CSNK2A2IP: variants seen among roughly 807,000 people sequenced by gnomAD.
CSNK2A2IP encodes casein kinase 2 subunit alpha' interacting protein.
the CSNK2A2IP span, among the ~76,000 whole-genome samples, chr3:88,427,660 G>T: frequency 6.6e-6 from 1 of 152,136 alleles, no homozygotes; most frequent in Non-Finnish European, 1.5e-5. Flanking sequence ...TTGCTTCAGT[G>T]GGTTCAAGCC....
chr3:88,431,350 C>A, the CSNK2A2IP span: 1 of 152,222 alleles, frequency 6.6e-6, no homozygotes, highest in South Asian at 2.1e-4. Context: ...TGAGGTAACT[C>A]AGGAATGGAA....
chr3:88,411,573 G>A, the CSNK2A2IP span, among the ~76,000 whole-genome samples: 5 of 151,822 alleles, frequency 3.3e-5, no homozygotes, highest in South Asian at 4.2e-4. Flanking sequence ...AAACAGATAC[G>A]GATTTTGTAG....
the CSNK2A2IP span, among the ~76,000 whole-genome samples, chr3:88,449,854 C>CACACAT: frequency 5.9e-5 from 5 of 84,440 alleles, no homozygotes; most frequent in Admixed American, 2.3e-4. Context: ...CACACACACA[C>CACACAT]ATATATATAT....
At chr3:88,438,722 G>A in the CSNK2A2IP span, among the ~76,000 whole-genome samples, 3 of 152,138 alleles carry the variant, frequency 2.0e-5, no homozygotes, top group African/African-American at 7.2e-5. Flanking sequence ...CCAAATCTAA[G>A]TGTAAAACTA....
At chr3:88,451,928 A>C in the CSNK2A2IP span, among the ~76,000 whole-genome samples, 1 of 152,010 alleles carries the variant, frequency 6.6e-6, no homozygotes, top group Non-Finnish European at 1.5e-5. Flanking sequence ...GCTTTACAAT[A>C]ATTTTTTGAA....
chr3:88,466,213 T>C, the CSNK2A2IP span: 2 of 1,231,642 alleles, frequency 1.6e-6, no homozygotes, highest in Non-Finnish European at 2.0e-6. Flanking sequence ...TATATTGAAC[T>C]CTAACCCCAC....
At chr3:88,461,339 G>A in the CSNK2A2IP span, among the ~76,000 whole-genome samples, 1 of 152,020 alleles carries the variant, frequency 6.6e-6, no homozygotes, top group African/African-American at 2.4e-5. Flanking sequence ...GGATCATGAG[G>A]TCAGGAGATC....
the CSNK2A2IP span, among the ~76,000 whole-genome samples, chr3:88,464,911 G>C: frequency 5.3e-5 from 8 of 152,100 alleles, no homozygotes; most frequent in Non-Finnish European, 8.8e-5. Context: ...TGATGAATGG[G>C]GGTTTTGAAA....
chr3:88,356,388 A>G, the CSNK2A2IP span, among the ~76,000 whole-genome samples: 1 of 152,192 alleles, frequency 6.6e-6, no homozygotes, highest in South Asian at 2.1e-4. Context: ...ACTTAGCATA[A>G]TGACCTCTAG....
the CSNK2A2IP span, among the ~76,000 whole-genome samples, chr3:88,437,685 T>G: frequency 6.6e-6 from 1 of 151,624 alleles, no homozygotes; most frequent in South Asian, 2.1e-4. Flanking sequence ...AAATGAAATT[T>G]AATTACTGTC....
chr3:88,409,494 G>A, the CSNK2A2IP span, among the ~76,000 whole-genome samples: 2 of 151,020 alleles, frequency 1.3e-5, no homozygotes, highest in East Asian at 1.9e-4. Context: ...GGGGGAAAAT[G>A]TCTAGGTGAT....
the CSNK2A2IP span, among the ~76,000 whole-genome samples, chr3:88,417,968 C>T: frequency 6.6e-6 from 1 of 152,042 alleles, no homozygotes; most frequent in Non-Finnish European, 1.5e-5. Context: ...AAGAAATCTG[C>T]TTTGAAAAAT....
At chr3:88,405,209 C>A in the CSNK2A2IP span, among the ~76,000 whole-genome samples, 22 of 152,280 alleles carry the variant, frequency 1.4e-4, no homozygotes, top group African/African-American at 5.3e-4. Context: ...GTCTCTATAC[C>A]TATCACCATG....
At chr3:88,382,501 T>C in the CSNK2A2IP span, 2 of 152,208 alleles carry the variant, frequency 1.3e-5, no homozygotes, top group Admixed American at 1.3e-4. Flanking sequence ...AAAATACATA[T>C]ACAAAATTCC....
At chr3:88,421,307 G>A in the CSNK2A2IP span, among the ~76,000 whole-genome samples, 50 of 152,266 alleles carry the variant, frequency 3.3e-4, no homozygotes, top group African/African-American at 1.2e-3. Context: ...TACTAAGGCC[G>A]TCTAGTTCCC....
chr3:88,378,234 G>A, the CSNK2A2IP span, among the ~76,000 whole-genome samples: 1 of 151,814 alleles, frequency 6.6e-6, no homozygotes, highest in East Asian at 1.9e-4. Flanking sequence ...ATAAATTATA[G>A]ATGAGTAAAT....
At chr3:88,424,511 T>A in the CSNK2A2IP span, among the ~76,000 whole-genome samples, 9 of 152,318 alleles carry the variant, frequency 5.9e-5, no homozygotes, top group Non-Finnish European at 8.8e-5. Flanking sequence ...TATAATTTTA[T>A]CTAGTGATAA....
the CSNK2A2IP span, among the ~76,000 whole-genome samples, chr3:88,376,256 A>G: frequency 6.6e-6 from 1 of 151,688 alleles, no homozygotes; most frequent in Admixed American, 6.6e-5. Flanking sequence ...ACTCTAAAAC[A>G]TATTAATTAT....
the CSNK2A2IP span, among the ~76,000 whole-genome samples, chr3:88,377,435 TACTGCTATGTTCAG>T: frequency 6.6e-6 from 1 of 151,880 alleles, no homozygotes; most frequent in African/African-American, 2.4e-5. Context: ...TTTCTATCAG[TACTGCTATGTTCAG>T]ACACAGTACT....
Sources: allele counts gnomAD v4.1 joint callset (sites outside exome capture counted in the v4.1 genomes callset), GRCh38; gene constraint gnomAD v4.1.1; transcripts MANE v1.5; gene names NCBI Gene and HGNC (gene_info 2026-07-23, HGNC 2026-07-21).